The following WDPCP variants were observed in gnomAD, a reference collection of about 807,000 sequenced individuals.
WDPCP encodes WD repeat containing planar cell polarity effector.
WDPCP carries 71 observed loss-of-function variants against 93.1 expected under a neutral mutation model. The observed-to-expected ratio is 0.76, with a 90% CI of 0.63 to 0.93. The LOEUF (loss-of-function observed/expected upper bound fraction) is 0.93. Among genes scored for constraint, WDPCP ranks in the 40% least tolerant of loss-of-function variants. WDPCP has a pLI of 0.00. For synonymous variants in WDPCP, 315 were observed against 315.0 expected (o/e 1.00, Z 0.00); for missense variants, 844 against 887.4 (o/e 0.95, Z 0.62).
chr2:63,706,245 A>C (rs1669150545), intron 2 of WDPCP, among the ~76,000 whole-genome samples: 1 of 152,104 alleles, frequency 6.6e-6, no homozygotes, highest in Non-Finnish European at 1.5e-5. Flanking sequence ...TCTTGACTCT[A>C]TCCAATTTGC....
intron 14 of WDPCP, among the ~76,000 whole-genome samples, chr2:63,223,168 C>T (rs186703277): frequency 1.6e-4 from 25 of 152,136 alleles, no homozygotes; most frequent in African/African-American, 3.9e-4. Context: ...TCCTATTTGA[C>T]GAAACAACTC....
chr2:63,235,124 A>C (rs1272721355), intron 14 of WDPCP, among the ~76,000 whole-genome samples: 2 of 152,140 alleles, frequency 1.3e-5, no homozygotes, highest in African/African-American at 4.8e-5. Flanking sequence ...AAAAGAGAGA[A>C]GATCCAAATA....
At chr2:63,585,134 A>G (rs1708752097) in intron 1 of WDPCP, among the ~76,000 whole-genome samples, 4 of 152,248 alleles carry the variant, frequency 2.6e-5, no homozygotes. Flanking sequence ...TAAAATTGTA[A>G]GACATAGTAA....
At chr2:63,261,312 C>G (rs1681614112) in intron 13 of WDPCP, among the ~76,000 whole-genome samples, 1 of 151,686 alleles carries the variant, frequency 6.6e-6, no homozygotes, top group Non-Finnish European at 1.5e-5. Flanking sequence ...ATTCCAAAAT[C>G]CATTTAACTG....
At chr2:63,592,886 A>G (rs1235672243), upstream of WDPCP, among the ~76,000 whole-genome samples, 1 of 152,122 alleles carries the variant, frequency 6.6e-6, no homozygotes, top group East Asian at 1.9e-4. Context: ...TCTAAAGGGA[A>G]AGGGAGTAAT....
intron 12 of WDPCP, among the ~76,000 whole-genome samples, chr2:63,375,289 T>C (rs1416226622): frequency 1.3e-5 from 2 of 152,042 alleles, no homozygotes; most frequent in Admixed American, 6.6e-5. Context: ...TTCAATTTCA[T>C]GGAGGCAGCT....
intron 13 of WDPCP, among the ~76,000 whole-genome samples, chr2:63,290,501 G>C (rs1684335271): frequency 6.6e-6 from 1 of 151,970 alleles, no homozygotes; most frequent in Non-Finnish European, 1.5e-5. Context: ...ACATGCTTAT[G>C]ATTTTTAGGA....
chr2:63,839,657 T>C, the WDPCP span, among the ~76,000 whole-genome samples: 8 of 152,352 alleles, frequency 5.3e-5, no homozygotes, highest in Non-Finnish European at 1.2e-4. Context: ...AATCTTTCGG[T>C]AGTATTTTAT....
intron 12 of WDPCP, among the ~76,000 whole-genome samples, chr2:63,372,160 G>A (rs1691451687): frequency 6.6e-6 from 1 of 152,090 alleles, no homozygotes; most frequent in South Asian, 2.1e-4. Flanking sequence ...AGGAGGGAGA[G>A]CCACCAATGT....
chr2:63,369,655 CA>C (rs1691219817), intron 12 of WDPCP, among the ~76,000 whole-genome samples: 1 of 152,126 alleles, frequency 6.6e-6, no homozygotes, highest in Non-Finnish European at 1.5e-5. Flanking sequence ...GCCTAATAAG[CA>C]GACTATCCCC....
At chr2:63,187,362 A>C (rs1409775632) in intron 14 of WDPCP, among the ~76,000 whole-genome samples, 1 of 152,142 alleles carries the variant, frequency 6.6e-6, no homozygotes, top group Non-Finnish European at 1.5e-5. Context: ...CTCACTTTAA[A>C]GTAATTACCG....
At position 63,606,862 on chromosome 2, in the gene WDPCP, A is replaced by C. The variant is rs774338783; in HGVS notation, n.488+43797T>G. On this transcript the variant is annotated intron_variant and non_coding_transcript_variant, in intron 3 of 4. Coordinates refer to the WDPCP transcript ENST00000467687. ...TCTTATTTGCATTATTTTCAAACAG[A>C]ATAAGACCTGGAAGTTTGTTGAAGG... The C allele has an allele frequency of 8.7e-6, 14 of 1,609,470 alleles. No homozygotes were observed. The Middle Eastern group carries it at 5.0e-4, about 57-fold the overall frequency.
intron 1 of WDPCP, among the ~76,000 whole-genome samples, chr2:63,816,129 TG>T (rs1670930160): frequency 6.6e-6 from 1 of 152,154 alleles, no homozygotes; most frequent in Non-Finnish European, 1.5e-5. Flanking sequence ...AAAAATATTA[TG>T]GGTAATTATC....
intron 17 of WDPCP, among the ~76,000 whole-genome samples, chr2:63,144,430 A>T (rs1671328377): frequency 6.6e-6 from 1 of 151,820 alleles, no homozygotes; most frequent in South Asian, 2.1e-4. Context: ...TAATTTTTGT[A>T]TTTTTAGTAG....
rs1382212984 is a variant in WDPCP, at chr2:63,761,017, C to T, written n.308+52605G>A. On this transcript the variant is annotated intron_variant and non_coding_transcript_variant, in intron 2 of 4. Transcript: ENST00000467687. ...TGGCTTGGGGTGGGAGGTGAAGGCT[C>T]CCTCTTCTCCCTCAAGGGAGGATGA... Among the ~76,000 whole-genome samples, 6 of 152,180 alleles carry T rather than the reference C, an allele frequency of 3.9e-5. No homozygotes were observed. The East Asian group carries it at 7.7e-4, about 20-fold the overall frequency.
intron 1 of WDPCP, among the ~76,000 whole-genome samples, chr2:63,566,748 C>T (rs1281152687): frequency 6.6e-6 from 1 of 152,164 alleles, no homozygotes; most frequent in Non-Finnish European, 1.5e-5. Flanking sequence ...GGTTTAAGAG[C>T]TCAGTCCCAC....
intron 12 of WDPCP, among the ~76,000 whole-genome samples, chr2:63,353,567 G>A (rs1189472604): frequency 6.6e-6 from 1 of 152,132 alleles, no homozygotes; most frequent in African/African-American, 2.4e-5. Flanking sequence ...AAGCTGACCA[G>A]GGGTGGAAAG....
intron 2 of WDPCP, among the ~76,000 whole-genome samples, chr2:63,754,188 C>G (rs1216837290): frequency 6.6e-6 from 1 of 152,204 alleles, no homozygotes; most frequent in Non-Finnish European, 1.5e-5. Context: ...GGGAGCACAA[C>G]TTCCCTAGTA....
chr2:63,279,978 G>C (rs1380877368), intron 13 of WDPCP, among the ~76,000 whole-genome samples: 1 of 152,130 alleles, frequency 6.6e-6, no homozygotes, highest in Non-Finnish European at 1.5e-5. Flanking sequence ...AGAAATAATA[G>C]ACAACACAAA....
Sources: allele counts gnomAD v4.1 joint callset (sites outside exome capture counted in the v4.1 genomes callset), GRCh38; gene constraint gnomAD v4.1.1; transcripts MANE v1.5; gene names NCBI Gene and HGNC (gene_info 2026-07-23, HGNC 2026-07-21).